The following MLLT3 variants were observed in gnomAD, a reference collection of about 807,000 sequenced individuals.
MLLT3 encodes the protein MLLT3 super elongation complex subunit, also known as protein AF-9.
A neutral mutation model predicts 53.2 loss-of-function variants in MLLT3; 4 were observed. That is an observed-to-expected ratio of 0.08 (90% CI 0.04 to 0.17). The LOEUF is 0.17. Ranked by LOEUF, MLLT3 falls within the 10% of genes least tolerant of loss-of-function variation. The pLI, the probability that MLLT3 is intolerant of heterozygous loss-of-function variation, is 1.00. For missense variants in MLLT3, 569 were observed against 684.0 expected, an observed-to-expected ratio of 0.83 and a Z score of 1.87; for synonymous variants, 283 against 230.6, an observed-to-expected ratio of 1.23 and a Z score of -2.06.
At chr9:20,619,269 A>T (rs1212611362) in intron 2 of MLLT3, among the ~76,000 whole-genome samples, 1 of 152,222 alleles carries the variant, frequency 6.6e-6, no homozygotes, top group Non-Finnish European at 1.5e-5. Context: ...AACTGGATTT[A>T]TTTATTAACC....
intron 2 of MLLT3, among the ~76,000 whole-genome samples, chr9:20,547,878 G>A (rs1163572061): frequency 6.6e-6 from 1 of 152,152 alleles, no homozygotes; most frequent in African/African-American, 2.4e-5. Context: ...CTCAAGCCCA[G>A]GAGCTCAAGG....
intron 5 of MLLT3, among the ~76,000 whole-genome samples, chr9:20,393,630 G>A (rs1822246381): frequency 6.6e-6 from 1 of 152,180 alleles, no homozygotes; most frequent in African/African-American, 2.4e-5. Context: ...GTAAATATGT[G>A]CAATGCCTCT....
At chr9:20,387,617 G>GT (rs1822072252) in intron 5 of MLLT3, among the ~76,000 whole-genome samples, 1 of 152,110 alleles carries the variant, frequency 6.6e-6, no homozygotes, top group Non-Finnish European at 1.5e-5. Flanking sequence ...GAGTTACTGT[G>GT]GAAGACACAA....
chr9:20,510,398 G>A (rs1477627194), intron 2 of MLLT3, among the ~76,000 whole-genome samples: 1 of 152,134 alleles, frequency 6.6e-6, no homozygotes, highest in African/African-American at 2.4e-5. Context: ...AGATCACGAG[G>A]TCAGGAGTTC....
intron 5 of MLLT3, chr9:20,411,376 G>T (rs1411384921): frequency 6.6e-6 from 1 of 152,604 alleles, no homozygotes; most frequent in Non-Finnish European, 1.5e-5. Context: ...TGGGTTCATG[G>T]TTTACATGAC....
intron 2 of MLLT3, among the ~76,000 whole-genome samples, chr9:20,469,565 G>C (rs1824322591): frequency 6.6e-6 from 1 of 151,954 alleles, no homozygotes; most frequent in Admixed American, 6.6e-5. Flanking sequence ...AGATGAAACA[G>C]CTCAATAGAA....
intron 5 of MLLT3, among the ~76,000 whole-genome samples, chr9:20,383,725 C>T (rs1172997184): frequency 6.6e-6 from 1 of 151,844 alleles, no homozygotes; most frequent in Non-Finnish European, 1.5e-5. Context: ...ATAGTCTTCC[C>T]TGAAAAACAC....
At chr9:20,523,592 T>C (rs1384671761) in intron 2 of MLLT3, among the ~76,000 whole-genome samples, 4 of 152,146 alleles carry the variant, frequency 2.6e-5, no homozygotes, top group African/African-American at 9.7e-5. Context: ...TTTTACTAAA[T>C]GAAAGAAGCC....
chr9:20,453,686 G>C (rs17177890), intron 3 of MLLT3, among the ~76,000 whole-genome samples: 16,043 of 152,088 alleles, frequency 0.11, 1,108 homozygotes, highest in Non-Finnish European at 0.15. Flanking sequence ...TACCTCTCCA[G>C]AACACCATTA....
In MLLT3 at chr9:20,498,266, A is replaced by AAAAAAG. The variant is rs760352616; in HGVS notation, c.194-41481_194-41480insCTTTTT. On this transcript the variant is annotated intron_variant, in intron 2 of 10. Transcript: ENST00000380338. ...AAAAAAAAAAAAAAAAAAAAAAAAA[A>AAAAAAG]GTTCTTCTAGCTGTTCTACCTTTAC... 2.5e-4 allele frequency among the ~76,000 whole-genome samples: 25 copies of AAAAAAG among 98,350 alleles called. 5 individuals carry two copies. The highest frequency in any genetic ancestry group is 2.1e-3 in the South Asian group (6 of 2,860). 64.5% of individuals were successfully genotyped at this position (98,350 alleles called of 152,430 possible). A position where few individuals can be genotyped will look rare whatever the true frequency, so the allele number is the denominator to read the frequency against.
chr9:20,352,178 C>G (rs1055238554), intron 10 of MLLT3, among the ~76,000 whole-genome samples: 4 of 152,202 alleles, frequency 2.6e-5, no homozygotes, highest in Non-Finnish European at 5.9e-5. Flanking sequence ...GTATCCTTGA[C>G]TAACTGATAG....
intron 2 of MLLT3, among the ~76,000 whole-genome samples, chr9:20,564,903 T>C (rs554492707): frequency 6.6e-6 from 1 of 152,268 alleles, no homozygotes; most frequent in South Asian, 2.1e-4. Context: ...AAATGTTTTG[T>C]AGTCAGGGGA....
rs1293087582 is a variant in MLLT3, at chr9:20,344,001, G to C, written c.*2442C>G. On this transcript the variant is annotated 3_prime_UTR_variant, in exon 11 of 11. Coordinates refer to ENST00000380338, the MANE Select transcript of MLLT3 (RefSeq NM_004529.4). Reference sequence around the variant, plus strand: ...TAACGTAACTCTCAGTCTTAATTTTGTGAAAAACTTACTTTGCTATCTTGA... The same window carrying C: ...TAACGTAACTCTCAGTCTTAATTTTCTGAAAAACTTACTTTGCTATCTTGA... 1.5e-5 allele frequency: 3 copies of C among 202,624 alleles called. No individual in the cohort carries two copies. The allele number at this position is 202,624 out of a possible 1,614,324, so 12.6% of individuals were successfully genotyped here. A position where few individuals can be genotyped will look rare whatever the true frequency, so the allele number is the denominator to read the frequency against.
At chr9:20,484,553 G>C (rs1824757753) in intron 2 of MLLT3, among the ~76,000 whole-genome samples, 1 of 151,908 alleles carries the variant, frequency 6.6e-6, no homozygotes, top group Admixed American at 6.6e-5. Flanking sequence ...CAACTATATG[G>C]GTAAACTTAA....
intron 2 of MLLT3, among the ~76,000 whole-genome samples, chr9:20,472,765 C>G (rs1023273498): frequency 6.6e-6 from 1 of 152,002 alleles, no homozygotes; most frequent in African/African-American, 2.4e-5. Flanking sequence ...AACTTCTAAA[C>G]CATATCCTTT....
intron 5 of MLLT3, among the ~76,000 whole-genome samples, chr9:20,378,173 C>T (rs1354724475): frequency 6.6e-6 from 1 of 151,934 alleles, no homozygotes; most frequent in African/African-American, 2.4e-5. Flanking sequence ...TATGAAAGTA[C>T]AGCATAACTT....
At chr9:20,584,730 C>T (rs1221705027) in intron 2 of MLLT3, among the ~76,000 whole-genome samples, 1 of 152,214 alleles carries the variant, frequency 6.6e-6, no homozygotes, top group Non-Finnish European at 1.5e-5. Context: ...CCCTAGGTCC[C>T]TCCCAAAACA....
chr9:20,560,956 T>C (rs558241651), intron 2 of MLLT3, among the ~76,000 whole-genome samples: 1 of 152,268 alleles, frequency 6.6e-6, no homozygotes, highest in African/African-American at 2.4e-5. Context: ...TCGAAATATT[T>C]GAAATATTAG....
chr9:20,372,744 C>G (rs1352271310), intron 5 of MLLT3, among the ~76,000 whole-genome samples: 1 of 151,822 alleles, frequency 6.6e-6, no homozygotes, highest in Non-Finnish European at 1.5e-5. Context: ...CACAGCCACT[C>G]ATATCTTCAG....
Sources: allele counts gnomAD v4.1 joint callset (sites outside exome capture counted in the v4.1 genomes callset), GRCh38; gene constraint gnomAD v4.1.1; transcripts MANE v1.5; gene names NCBI Gene and HGNC (gene_info 2026-07-23, HGNC 2026-07-21).